Variants in GREB1L observed in about 807,000 individuals in gnomAD.
GREB1L encodes GREB1-like protein.
A neutral mutation model predicts 200.8 loss-of-function variants in GREB1L; 17 were observed. That is an observed-to-expected ratio of 0.08 (90% CI 0.06 to 0.13). The LOEUF is 0.13. Among genes scored for constraint, GREB1L ranks in the 10% least tolerant of loss-of-function variants. The pLI is 1.00. For synonymous variants in GREB1L, 789 were observed against 893.0 expected, an observed-to-expected ratio of 0.88 and a Z score of 2.08; for missense variants, 1,657 against 2,367.7, an observed-to-expected ratio of 0.70 and a Z score of 6.23.
At chr18:21,490,531 G>C (rs930776698) in intron 19 of GREB1L, among the ~76,000 whole-genome samples, 180 bp downstream of exon 19, 7 of 152,168 alleles carry the variant, frequency 4.6e-5, no homozygotes, top group African/African-American at 1.7e-4. Context: ...TGTAAAGATT[G>C]CCCAGCCCTT....
intron 1 of GREB1L, among the ~76,000 whole-genome samples, chr18:21,295,233 T>G (rs2038508319): frequency 6.6e-6 from 1 of 152,220 alleles, no homozygotes; most frequent in African/African-American, 2.4e-5. Context: ...CAAATTTGAA[T>G]GGGCTCCTGT....
intron 1 of GREB1L, among the ~76,000 whole-genome samples, chr18:21,328,659 CAT>C (rs2145007247): frequency 6.6e-6 from 1 of 152,032 alleles, no homozygotes; most frequent in East Asian, 1.9e-4. Flanking sequence ...CTGATACGTG[CAT>C]GTGTGTGTGT....
chr18:21,324,494 T>C (rs1381214030), intron 1 of GREB1L, among the ~76,000 whole-genome samples: 1 of 152,246 alleles, frequency 6.6e-6, no homozygotes, highest in East Asian at 1.9e-4. Context: ...CCAGAAAACT[T>C]TTTTGTTTTA....
At position 21,523,180 on chromosome 18, in the gene GREB1L, T is replaced by C. The variant is rs189246202; in HGVS notation, c.*359T>C. ...GGGGAAACTGACTGTCAGGATTAACTAGCCTGAATGTGTTACATGAGACTC... is the reference window on the plus strand; with the variant it reads ...GGGGAAACTGACTGTCAGGATTAACCAGCCTGAATGTGTTACATGAGACTC... On this transcript the variant is annotated 3_prime_UTR_variant, in exon 33 of 33. Coordinates refer to ENST00000424526, the MANE Select transcript of GREB1L (RefSeq NM_001142966.3). 5.9e-4 allele frequency: 100 copies of C among 168,366 alleles called. No individual in the cohort carries two copies. The highest frequency in any genetic ancestry group is 1.0e-3 in the South Asian group (6 of 5,894). The allele number at this position is 168,366 out of a possible 1,614,324, so 10.4% of individuals were successfully genotyped here.
intron 15 of GREB1L, among the ~76,000 whole-genome samples, chr18:21,456,551 TTCTA>T: frequency 6.6e-6 from 1 of 152,312 alleles, no homozygotes; most frequent in South Asian, 2.1e-4. Flanking sequence ...TTTTCCCTGT[TTCTA>T]TCTCTTTAAC....
intron 2 of GREB1L, among the ~76,000 whole-genome samples, chr18:21,382,640 T>G (rs1381438322): frequency 1.3e-5 from 2 of 151,778 alleles, no homozygotes; most frequent in African/African-American, 4.8e-5. Context: ...TACAGGCACA[T>G]GCCACCATGC....
chr18:21,433,718 C>T (rs1212866376), intron 7 of GREB1L, among the ~76,000 whole-genome samples: 1 of 152,178 alleles, frequency 6.6e-6, no homozygotes, highest in Non-Finnish European at 1.5e-5. Flanking sequence ...AATCAGGAAT[C>T]ATGTTGTGGG....
intron 23 of GREB1L, among the ~76,000 whole-genome samples, chr18:21,502,992 A>T (rs1023963931): frequency 1.3e-5 from 2 of 152,180 alleles, no homozygotes; most frequent in African/African-American, 4.8e-5. Flanking sequence ...GGTTAATGCA[A>T]TGGTGCTCTC....
intron 18 of GREB1L, among the ~76,000 whole-genome samples, chr18:21,486,941 G>A (rs572407052): frequency 2.6e-4 from 40 of 152,140 alleles, no homozygotes; most frequent in Non-Finnish European, 5.0e-4. Context: ...AAAAGAAAAG[G>A]AAATTAAAAT....
At chr18:21,345,871 C>G (rs1000764075) in intron 1 of GREB1L, among the ~76,000 whole-genome samples, 2 of 76,180 alleles carry the variant, frequency 2.6e-5, no homozygotes, top group Non-Finnish European at 5.3e-5. Flanking sequence ...GACTCCATCT[C>G]AAAAAAAAAA....
At chr18:21,485,856 C>T (rs1346975660) in intron 18 of GREB1L, 103 bp downstream of exon 18, 1 of 1,141,620 alleles carries the variant, frequency 8.8e-7, no homozygotes, top group African/African-American at 1.6e-5. Context: ...TTTGATGGAG[C>T]CCTTGCAGAT....
intron 15 of GREB1L, among the ~76,000 whole-genome samples, chr18:21,456,629 T>C (rs1214097719): frequency 6.6e-6 from 1 of 152,186 alleles, no homozygotes; most frequent in Non-Finnish European, 1.5e-5. Flanking sequence ...CCCAAGTGTC[T>C]GGTTGACAGT....
rs753658541 is a variant in GREB1L, at chr18:21,508,609, G to A, written c.4735+18G>A. ...AGGCGTGGGTAAGGGGCCCCCCTGG[G>A]ATGGGGAGAAGGGCTTCGAAGATAA... is the stretch of plus-strand genomic sequence containing the variant. On this transcript the variant is annotated intron_variant, in intron 27 of 32. Coordinates refer to ENST00000424526, the MANE Select transcript of GREB1L (RefSeq NM_001142966.3). 6 of 1,546,610 alleles carry A rather than the reference G, an allele frequency of 3.9e-6. No homozygotes were observed. Among genetic ancestry groups the A allele is most frequent in the Non-Finnish European group, 3.5e-6 (4 of 1,143,840 alleles).
At chr18:21,319,928 C>T (rs757163935) in intron 1 of GREB1L, among the ~76,000 whole-genome samples, 1 of 152,138 alleles carries the variant, frequency 6.6e-6, no homozygotes, top group Non-Finnish European at 1.5e-5. Context: ...ATAAGGAATG[C>T]CCACAGAAAT....
intron 7 of GREB1L, among the ~76,000 whole-genome samples, chr18:21,422,727 C>T (rs2032253477): frequency 6.6e-6 from 1 of 152,162 alleles, no homozygotes; most frequent in African/African-American, 2.4e-5. Flanking sequence ...AACAATGTAG[C>T]AATGAATAAC....
intron 4 of GREB1L, among the ~76,000 whole-genome samples, chr18:21,391,005 A>G (rs2040779391): frequency 6.6e-6 from 1 of 152,226 alleles, no homozygotes; most frequent in South Asian, 2.1e-4. Flanking sequence ...AAAAGGTGAT[A>G]AAGTTAAAAA....
At chr18:21,257,278 C>T (rs566050661) in intron 1 of GREB1L, among the ~76,000 whole-genome samples, 13 of 152,194 alleles carry the variant, frequency 8.5e-5, no homozygotes, top group South Asian at 4.2e-4. Flanking sequence ...GCAATTAAAA[C>T]GCTTAGTTTT....
chr18:21,276,921 G>GC lies in GREB1L; in HGVS notation c.-120+34531dup, dbSNP rs1265427622. Among the ~76,000 whole-genome samples the GC allele has an allele frequency of 9.7e-5, 13 of 133,778 alleles. No homozygotes were observed. In the South Asian group the frequency reaches 2.4e-3, roughly 25 times the overall value. 87.8% of individuals were successfully genotyped at this position (133,778 alleles called of 152,430 possible). A position where few individuals can be genotyped will look rare whatever the true frequency, so the allele number is the denominator to read the frequency against. On this transcript the variant is annotated intron_variant, in intron 1 of 32. Transcript: ENST00000424526. ...CAGCTCTCCTTCCCTTTACAGCCCA[G>GC]CCCTTTTTTTTTTTTTTTTTTTTTT...
rs1357377297 is a variant in GREB1L at position 21,450,739 on chromosome 18, T to C, written c.1721-284T>C. The C allele has an allele frequency of 4.4e-5, 11 of 248,538 alleles. No homozygotes were observed. In the Admixed American group the frequency reaches 5.8e-4, roughly 13 times the overall value. The allele number at this position is 248,538 out of a possible 1,614,324, so 15.4% of individuals were successfully genotyped here. A position where few individuals can be genotyped will look rare whatever the true frequency, so the allele number is the denominator to read the frequency against. ...ACAGCCCCTGGCGGGGACAGGGACC[T>C]TCCTTAGTCATTAAACACAAACGTG... On this transcript the variant is annotated intron_variant, in intron 12 of 32. Transcript: ENST00000424526.
Sources: gnomAD v4.1 joint callset for allele counts (sites outside exome capture counted in the v4.1 genomes callset) on GRCh38, gnomAD v4.1.1 for gene constraint, MANE v1.5 for transcripts, NCBI Gene and HGNC (gene_info 2026-07-23, HGNC 2026-07-21) for gene names.